SLC30A7: variants seen among roughly 807,000 people sequenced by gnomAD.
SLC30A7 encodes the protein zinc transporter 7.
SLC30A7 carries 35 observed loss-of-function variants against 46.0 expected under a neutral mutation model. That is an observed-to-expected ratio of 0.76 (90% CI 0.58 to 1.01). SLC30A7 has a LOEUF of 1.01. Ranked by LOEUF, SLC30A7 falls within the 50% of genes least tolerant of loss-of-function variation. The pLI is 0.00. For missense variants in SLC30A7, 464 were observed against 451.1 expected, an observed-to-expected ratio of 1.03 and a Z score of -0.26; for synonymous variants, 147 against 157.8, an observed-to-expected ratio of 0.93 and a Z score of 0.51.
intron 2 of SLC30A7, among the ~76,000 whole-genome samples, chr1:100,899,734 A>G (rs1425323881): frequency 6.6e-6 from 1 of 152,044 alleles, no homozygotes; most frequent in Non-Finnish European, 1.5e-5. Context: ...ATAAAACTTC[A>G]TTTCCAAGAT....
chr1:100,948,448 G>A (rs564359479), intron 8 of SLC30A7, among the ~76,000 whole-genome samples: 20 of 152,294 alleles, frequency 1.3e-4, no homozygotes, highest in East Asian at 5.8e-4. Flanking sequence ...TGGGTAACCC[G>A]ACCTTTCTCT....
rs1376592376 is a variant in SLC30A7 at position 100,896,362 on chromosome 1, C to T, written c.80+20C>T. The T allele has an allele frequency of 6.2e-7, 1 of 1,613,258 alleles. No individual in the cohort carries two copies. The highest frequency in any genetic ancestry group is 1.7e-5 in the Admixed American group (1 of 60,014). Reference sequence around the variant, plus strand: ...GTTTAGGTGCGGGGTGCTGTGTTTGCGGGGAGGGGGTGTCCGGCAGAAAGG... The same window carrying T: ...GTTTAGGTGCGGGGTGCTGTGTTTGTGGGGAGGGGGTGTCCGGCAGAAAGG... On this transcript the variant is annotated intron_variant, in intron 1 of 10. Transcript: ENST00000357650.
intron 8 of SLC30A7, among the ~76,000 whole-genome samples, chr1:100,956,114 G>T (rs1445009246): frequency 1.3e-5 from 2 of 151,974 alleles, no homozygotes; most frequent in South Asian, 4.2e-4. Context: ...AGATAAAAAT[G>T]CACTATAATT....
rs1028305857 is a variant in SLC30A7, at chr1:100,923,240, T to C, written c.842+1399T>C. Among the ~76,000 whole-genome samples the C allele has an allele frequency of 1.2e-4, 17 of 146,702 alleles. 1 individual carries two copies. The East Asian group carries it at 3.4e-3, about 29-fold the overall frequency. ...ACCGTGTTAGCCAGGATGGTCTCGA[T>C]CTCCTGACCTCGTGATCCGCCCGCC... On this transcript the variant is annotated intron_variant, in intron 8 of 10. Transcript: ENST00000357650.
At chr1:100,968,838 A>G (rs926330095) in intron 10 of SLC30A7, among the ~76,000 whole-genome samples, 4 of 152,244 alleles carry the variant, frequency 2.6e-5, no homozygotes, top group Admixed American at 6.5e-5. Context: ...GTATATGTGT[A>G]TAATGAATTT....
chr1:100,964,163 C>T (rs1432688910), intron 9 of SLC30A7, among the ~76,000 whole-genome samples: 1 of 140,774 alleles, frequency 7.1e-6, no homozygotes, highest in East Asian at 2.0e-4. Flanking sequence ...TACATATTGC[C>T]CATTCAAGAT....
chr1:100,982,623 C>A (rs1657009183), downstream of SLC30A7, among the ~76,000 whole-genome samples: 1 of 152,164 alleles, frequency 6.6e-6, no homozygotes, highest in African/African-American at 2.4e-5. Flanking sequence ...TCCATTCCCA[C>A]TGCCCTATTC....
chr1:100,948,634 G>T (rs969946765), intron 8 of SLC30A7, among the ~76,000 whole-genome samples: 1 of 152,200 alleles, frequency 6.6e-6, no homozygotes, highest in Admixed American at 6.5e-5. Context: ...ATCCTGAAGA[G>T]TGTTTTCCAA....
chr1:100,920,304 G>A (rs530007930), intron 7 of SLC30A7, among the ~76,000 whole-genome samples: 2 of 152,022 alleles, frequency 1.3e-5, no homozygotes, highest in South Asian at 4.1e-4. Context: ...CTGCTTTGAT[G>A]TGTATTTTTT....
chr1:100,961,816 C>T lies in SLC30A7; in HGVS notation c.843-12C>T. The T allele has an allele frequency of 2.0e-6, 3 of 1,530,816 alleles. No individual in the cohort carries two copies. The highest frequency in any genetic ancestry group is 2.3e-5 in the East Asian group (1 of 43,570). 94.8% of individuals were successfully genotyped at this position (1,530,816 alleles called of 1,614,324 possible). On this transcript the variant is annotated splice_polypyrimidine_tract_variant and intron_variant, in intron 8 of 10. Coordinates refer to ENST00000357650, the MANE Select transcript of SLC30A7 (RefSeq NM_133496.5). The stretch of plus-strand genomic sequence containing the variant: ...TGTGACTTTAATAAATTGTTGTCTT[C>T]CTTTTCCTTAGTGTTATTCCTCTTT...
At chr1:100,995,867 C>T in the SLC30A7 span, 1 of 152,248 alleles carries the variant, frequency 6.6e-6, no homozygotes, top group East Asian at 1.9e-4. Context: ...GCAACAGCAA[C>T]AGCTGCTTCC....
chr1:100,931,677 A>G (rs1653672860), intron 8 of SLC30A7, among the ~76,000 whole-genome samples: 1 of 152,202 alleles, frequency 6.6e-6, no homozygotes, highest in Non-Finnish European at 1.5e-5. Flanking sequence ...TGATTTTTAA[A>G]CAGCCAACTT....
intron 8 of SLC30A7, among the ~76,000 whole-genome samples, chr1:100,932,567 A>G (rs1267709672): frequency 6.6e-6 from 1 of 152,196 alleles, no homozygotes; most frequent in Non-Finnish European, 1.5e-5. Flanking sequence ...GATGGTATAT[A>G]TGTGTAGGTC....
chr1:100,897,890 T>G (rs1195576463), intron 2 of SLC30A7, among the ~76,000 whole-genome samples: 2 of 152,192 alleles, frequency 1.3e-5, no homozygotes, highest in African/African-American at 4.8e-5. Context: ...GGATACCCCA[T>G]CATAGATTAA....
At chr1:100,905,593 CTGTT>C (rs1021421483) in intron 2 of SLC30A7, among the ~76,000 whole-genome samples, 8 of 151,578 alleles carry the variant, frequency 5.3e-5, no homozygotes, top group African/African-American at 1.4e-4. Context: ...TTTTGTTTGT[CTGTT>C]TGTTTCCACT....
intron 8 of SLC30A7, among the ~76,000 whole-genome samples, chr1:100,922,085 C>T (rs548403791): frequency 6.6e-6 from 1 of 151,772 alleles, no homozygotes; most frequent in South Asian, 2.1e-4. Flanking sequence ...TCTCAAGTAG[C>T]TGGGATTACA....
rs548559168 is a variant in SLC30A7, at chr1:100,953,295, C to G, written c.843-8533C>G. Among the ~76,000 whole-genome samples, 29 of 152,320 alleles carry G rather than the reference C, an allele frequency of 1.9e-4. No homozygotes were observed. The South Asian group carries it at 5.8e-3, about 30-fold the overall frequency. ...GCAGTATGAAGGCAGACAAATACAA[C>G]TAGGTAGACATAGTTTAACTCAGAT... On this transcript the variant is annotated intron_variant, in intron 8 of 10. Transcript: ENST00000357650.
Position 100,975,982 on chromosome 1 carries a change from T to G in SLC30A7, c.*1125T>G, listed in dbSNP as rs1231584635. 6.6e-6 allele frequency: 1 copy of G among 152,612 alleles called. No individual in the cohort carries two copies. The highest frequency in any genetic ancestry group is 2.4e-5 in the African/African-American group (1 of 41,440). The allele number at this position is 152,612 out of a possible 1,614,324, so 9.5% of individuals were successfully genotyped here. A position where few individuals can be genotyped will look rare whatever the true frequency, so the allele number is the denominator to read the frequency against. ...TGAACATTTTTCTTTTATTGTTTTATCTTCACAGAAAATAAAAGGTGTTAA... is the reference window on the plus strand; with the variant it reads ...TGAACATTTTTCTTTTATTGTTTTAGCTTCACAGAAAATAAAAGGTGTTAA... On this transcript the variant is annotated 3_prime_UTR_variant, in exon 11 of 11. Coordinates refer to ENST00000357650, the MANE Select transcript of SLC30A7 (RefSeq NM_133496.5).
At chr1:100,917,989 T>C (rs1233247646) in intron 6 of SLC30A7, 88 bp from the exon 7 acceptor site, 6 of 981,682 alleles carry the variant, frequency 6.1e-6, no homozygotes, top group Non-Finnish European at 7.9e-6. Flanking sequence ...GCATTCTTGA[T>C]GATGCATTTG....
Sources: allele counts gnomAD v4.1 joint callset (sites outside exome capture counted in the v4.1 genomes callset), GRCh38; gene constraint gnomAD v4.1.1; transcripts MANE v1.5; gene names NCBI Gene and HGNC (gene_info 2026-07-23, HGNC 2026-07-21).